The following KMT2A variants were observed in gnomAD, a reference collection of about 807,000 sequenced individuals.
KMT2A encodes histone-lysine N-methyltransferase 2A.
KMT2A carries 16 observed loss-of-function variants against 345.3 expected under a neutral mutation model. That is an observed-to-expected ratio of 0.05 (90% CI 0.03 to 0.07). The LOEUF (loss-of-function observed/expected upper bound fraction) is 0.07. Ranked by LOEUF, KMT2A falls within the 10% of genes least tolerant of loss-of-function variation. The pLI, the probability that KMT2A is intolerant of heterozygous loss-of-function variation, is 1.00. For missense variants in KMT2A, 3,272 were observed against 4,841.6 expected, an observed-to-expected ratio of 0.68 and a Z score of 9.62; for synonymous variants, 1,599 against 1,778.6, an observed-to-expected ratio of 0.90 and a Z score of 2.54.
chr11:118,511,875 T>G (rs1401917121), intron 30 of KMT2A, 76 bp from the exon 31 acceptor site: 41 of 1,099,794 alleles, frequency 3.7e-5, no homozygotes, highest in Non-Finnish European at 5.3e-5. Context: ...TAAGCAGTGC[T>G]TGTGCACATC....
rs1555035730 is a variant in KMT2A at position 118,472,128 on chromosome 11, A to G, written c.969A>G (p.Glu323=). The G allele has an allele frequency of 1.2e-6, 2 of 1,614,036 alleles. No individual in the cohort carries two copies. The highest frequency in any genetic ancestry group is 3.3e-5 in the Admixed American group (2 of 60,020). The change falls in exon 3 of 36, where the codon GAA becomes GAG. Residue 323 remains glutamate (E), a synonymous_variant. Transcript: ENST00000534358. ...KTPSGLLINS[E]LEKPQKVRKD... is the part of the protein sequence containing the mutation. The stretch of plus-strand genomic sequence containing the variant: ...CTTCGGGTCTCCTCATTAATTCTGA[A>G]CTGGAAAAGCCCCAGAAAGTCCGGA...
In KMT2A at chr11:118,524,938, G is replaced by T; in HGVS notation, c.*2766G>T. ...GAGGAACCCACAGCTTCCTTCTCCT[G>T]CCAGCTGCAGATGGTTTGCCTTGCC... On this transcript the variant is annotated 3_prime_UTR_variant, in exon 36 of 36. Coordinates refer to ENST00000534358, the MANE Select transcript of KMT2A (RefSeq NM_001197104.2). The T allele has an allele frequency of 4.9e-6, 1 of 203,804 alleles. No individual in the cohort carries two copies. Among genetic ancestry groups the T allele is most frequent in the African/African-American group, 2.3e-5 (1 of 43,696 alleles). 12.6% of individuals were successfully genotyped at this position (203,804 alleles called of 1,614,324 possible). A position where few individuals can be genotyped will look rare whatever the true frequency, so the allele number is the denominator to read the frequency against.
chr11:118,520,842 C>A lies in KMT2A; in HGVS notation c.11470C>A (p.Arg3824=), dbSNP rs781990501. Residue 3824 remains arginine (R), a synonymous_variant, in exon 34 of 36, where the codon CGG becomes AGG. Coordinates refer to ENST00000534358, the MANE Select transcript of KMT2A (RefSeq NM_001197104.2). The surrounding 1 kb of genome is among the most constrained non-coding windows in gnomAD (Gnocchi z 4.3). The stretch of plus-strand genomic sequence containing the variant: ...GGATCTGCCAATGCCCATGCGCTTC[C>A]GGCACTTAAAAAAGACTTCTAAGGA... The part of the protein sequence containing the change: ...SMDLPMPMRF[R]HLKKTSKEAV... The A allele has an allele frequency of 6.2e-7, 1 of 1,613,892 alleles. No individual in the cohort carries two copies. Among genetic ancestry groups the A allele is most frequent in the Non-Finnish European group, 8.5e-7 (1 of 1,179,938 alleles).
rs1277604905 is a variant in KMT2A at position 118,522,754 on chromosome 11, T to A, written c.*582T>A. The A allele has an allele frequency of 4.7e-6, 1 of 212,846 alleles. No homozygotes were observed. Among genetic ancestry groups the A allele is most frequent in the African/African-American group, 2.3e-5 (1 of 44,068 alleles). The allele number at this position is 212,846 out of a possible 1,614,324, so 13.2% of individuals were successfully genotyped here. On this transcript the variant is annotated 3_prime_UTR_variant, in exon 36 of 36. Transcript: ENST00000534358. The surrounding 1 kb of genome is among the most constrained non-coding windows in gnomAD (Gnocchi z 5.4). The stretch of plus-strand genomic sequence containing the variant: ...CACCTCCGGTGTCAAAAGGCTGTCA[T>A]GGGGTTGTGCCAATTAATTACCAAA...
rs782299975 is a variant in KMT2A, at chr11:118,436,905, C to G, written c.393C>G (p.Ala131=). ...AIGTNLRRFR[A]VFGESGGGGG... Reference sequence around the variant, plus strand: ...GCACCAACCTGCGCCGGTTCCGGGCCGTGTTTGGGGAGAGCGGCGGGGGAG... The same window carrying G: ...GCACCAACCTGCGCCGGTTCCGGGCGGTGTTTGGGGAGAGCGGCGGGGGAG... The change falls in exon 1 of 36, where the codon GCC becomes GCG. Residue 131 remains alanine, a synonymous_variant. Coordinates refer to ENST00000534358, the MANE Select transcript of KMT2A (RefSeq NM_001197104.2). This position sits in a 1 kb window ranked among gnomAD's most constrained non-coding sequence, Gnocchi z 6.9. 6 of 1,579,492 alleles carry G rather than the reference C, an allele frequency of 3.8e-6. No homozygotes were observed. Among genetic ancestry groups the G allele is most frequent in the South Asian group, 2.3e-5 (2 of 87,626 alleles).
intron 1 of KMT2A, among the ~76,000 whole-genome samples, chr11:118,441,764 A>G (rs1451051669): frequency 6.6e-6 from 1 of 152,200 alleles, no homozygotes; most frequent in African/African-American, 2.4e-5. Context: ...ACATGTCCCC[A>G]TCTTTCACTT....
chr11:118,488,789 TG>T (rs1555041668), intron 11 of KMT2A, 29 bp downstream of exon 11: 1 of 1,609,832 alleles, frequency 6.2e-7, no homozygotes, highest in Non-Finnish European at 8.5e-7. Context: ...GAACTACAGC[TG>T]GGCCTCTGTA....
intron 1 of KMT2A, 136 bp downstream of exon 1, chr11:118,437,080 C>A: frequency 9.4e-7 from 1 of 1,064,728 alleles, no homozygotes; most frequent in Non-Finnish European, 1.3e-6. Flanking sequence ...ATGGCTCTCC[C>A]ATCTTGGGAC....
In KMT2A at chr11:118,505,528, C is replaced by T; in HGVS notation, c.9636C>T (p.Thr3212=). The T allele has an allele frequency of 6.2e-7, 1 of 1,614,160 alleles. No homozygotes were observed. Among genetic ancestry groups the T allele is most frequent in the Non-Finnish European group, 8.5e-7 (1 of 1,180,020 alleles). ...CCAGCCAGAGGACAGACCTCAGTAC[C>T]ACAGTAGCCACTCCATCCTCTGGAC... ...SESSQRTDLS[T]TVATPSSGLK... The change falls in exon 27 of 36, where the codon ACC becomes ACT. Residue 3212 remains threonine, a synonymous_variant. Coordinates refer to ENST00000534358, the MANE Select transcript of KMT2A (RefSeq NM_001197104.2). This position sits in a 1 kb window ranked among gnomAD's most constrained non-coding sequence, Gnocchi z 4.6.
chr11:118,474,743 G>A (rs1049434010), intron 3 of KMT2A, among the ~76,000 whole-genome samples: 3 of 152,110 alleles, frequency 2.0e-5, no homozygotes, highest in East Asian at 1.9e-4. Flanking sequence ...TACTATCCCC[G>A]ATAGAATAGA....
intron 24 of KMT2A, among the ~76,000 whole-genome samples, 167 bp downstream of exon 24, chr11:118,500,080 C>A (rs1555045233): frequency 6.6e-6 from 1 of 152,118 alleles, no homozygotes; most frequent in South Asian, 2.1e-4. Context: ...TAGATTGGGA[C>A]TATGTTAGCG....
intron 1 of KMT2A, among the ~76,000 whole-genome samples, chr11:118,442,372 A>G (rs1444543383): frequency 6.6e-6 from 1 of 152,246 alleles, no homozygotes; most frequent in Admixed American, 6.5e-5. Context: ...GGCATGATGT[A>G]CCTACATTTT....
intron 27 of KMT2A, 106 bp from the exon 28 acceptor site, chr11:118,507,423 A>G: frequency 1.0e-6 from 1 of 961,504 alleles, no homozygotes; most frequent in South Asian, 1.4e-5. Flanking sequence ...GCTGGCTTAT[A>G]GACTTTATCA....
At position 118,525,527 on chromosome 11, in the gene KMT2A, C is replaced by T. The variant is rs782349849; in HGVS notation, c.*3355C>T. 4.5e-6 allele frequency: 1 copy of T among 224,378 alleles called. No individual in the cohort carries two copies. Among genetic ancestry groups the T allele is most frequent in the Non-Finnish European group, 8.9e-6 (1 of 112,742 alleles). The allele number at this position is 224,378 out of a possible 1,614,324, so 13.9% of individuals were successfully genotyped here. On this transcript the variant is annotated 3_prime_UTR_variant, in exon 36 of 36. Coordinates refer to ENST00000534358, the MANE Select transcript of KMT2A (RefSeq NM_001197104.2). ...CCAGACTCCTTTGCCGGGACCCAGC[C>T]CGCCACCCTGCTCGCCTCCGTCAAA...
rs1950309605 is a variant in KMT2A at position 118,490,588 on chromosome 11, A to C, written c.4696+339A>C. 6.6e-6 allele frequency among the ~76,000 whole-genome samples: 1 copy of C among 152,114 alleles called. No individual in the cohort carries two copies. Among genetic ancestry groups the C allele is most frequent in the Admixed American group, 6.6e-5 (1 of 15,266 alleles). ...TCTTTCAGTAGTTATATTAGAAAAA[A>C]ATATTAATATAACTAATACATTAAA... On this transcript the variant is annotated intron_variant, in intron 13 of 35. Transcript: ENST00000534358. The surrounding 1 kb of genome is among the most constrained non-coding windows in gnomAD (Gnocchi z 4.2).
At chr11:118,454,519 CTG>C (rs1181069467) in intron 1 of KMT2A, among the ~76,000 whole-genome samples, 1 of 152,214 alleles carries the variant, frequency 6.6e-6, no homozygotes, top group Admixed American at 6.5e-5. Flanking sequence ...CAGATGGCCT[CTG>C]TTGAAACTAC....
At chr11:118,508,271 C>A (rs1277235821) in intron 28 of KMT2A, among the ~76,000 whole-genome samples, 1 of 152,142 alleles carries the variant, frequency 6.6e-6, no homozygotes, top group Non-Finnish European at 1.5e-5. Flanking sequence ...ACTGTACATA[C>A]TGTTCTGTAT....
rs2134409849 is a variant in KMT2A at position 118,505,973 on chromosome 11, G to A, written c.10081G>A (p.Val3361Ile). 3 of 1,614,196 alleles carry A rather than the reference G, an allele frequency of 1.9e-6. No homozygotes were observed. Among genetic ancestry groups the A allele is most frequent in the Non-Finnish European group, 2.5e-6 (3 of 1,180,048 alleles). ...TTTTPTSSAS[V>I]PGHVTLTNPR... The stretch of plus-strand genomic sequence containing the variant: ...CACAACCCCTACAAGTAGTGCGTCA[G>A]TTCCAGGACACGTCACCTTAACCAA... Residue 3361 changes from valine (V) to isoleucine (I), a missense_variant, in exon 27 of 36, where the codon GTT becomes ATT. By Grantham distance (29) the Val-to-Ile change is conservative. This residue lies in a region of KMT2A where 748 missense variants were observed against 922.2 expected (regional missense o/e 0.81). Coordinates refer to ENST00000534358, the MANE Select transcript of KMT2A (RefSeq NM_001197104.2). This position sits in a 1 kb window ranked among gnomAD's most constrained non-coding sequence, Gnocchi z 4.6.
chr11:118,437,664 C>G (rs746472635), intron 1 of KMT2A, among the ~76,000 whole-genome samples: 32 of 149,296 alleles, frequency 2.1e-4, no homozygotes, highest in Non-Finnish European at 3.7e-4. Context: ...ATTCCTCATA[C>G]AGCAGTCTCT....
Sources: gnomAD v4.1 joint callset for allele counts (sites outside exome capture counted in the v4.1 genomes callset) on GRCh38, gnomAD v4.1.1 for gene constraint, gnomAD v4.1.1 regional missense constraint, Gnocchi (gnomAD v3.1) non-coding constraint, MANE v1.5 for transcripts, NCBI Gene and HGNC (gene_info 2026-07-23, HGNC 2026-07-21) for gene names.